The following SPON1 variants were observed in gnomAD, a reference collection of about 807,000 sequenced individuals.
SPON1 encodes spondin-1.
Under a neutral mutation model 111.7 loss-of-function variants are expected in SPON1, and 52 were observed. The ratio of observed to expected loss-of-function variants is 0.47; its 90% CI spans 0.37 to 0.59. The LOEUF is 0.59. Among genes scored for constraint, SPON1 ranks in the 20% least tolerant of loss-of-function variants. The pLI, the probability that SPON1 is intolerant of heterozygous loss-of-function variation, is 0.00. For synonymous variants in SPON1, 410 were observed against 395.8 expected (o/e 1.04, Z -0.43); for missense variants, 957 against 1,068.5 (o/e 0.90, Z 1.46).
intron 6 of SPON1, among the ~76,000 whole-genome samples, chr11:14,182,244 C>T (rs1848242043): frequency 6.6e-6 from 1 of 152,188 alleles, no homozygotes; most frequent in African/African-American, 2.4e-5. Flanking sequence ...CAAGTCCACT[C>T]ATCTTTTAAA....
At chr11:14,156,710 T>G (rs572968831) in intron 6 of SPON1, among the ~76,000 whole-genome samples, 92 of 152,246 alleles carry the variant, frequency 6.0e-4, no homozygotes, top group African/African-American at 2.0e-3. Context: ...GCTTTCTACA[T>G]ATGGCTAGCC....
intron 6 of SPON1, among the ~76,000 whole-genome samples, chr11:14,157,619 G>T (rs560627436): frequency 2.6e-5 from 4 of 151,958 alleles, no homozygotes; most frequent in Non-Finnish European, 4.4e-5. Flanking sequence ...TCAAACATTG[G>T]TTCTATCCCA....
At chr11:13,989,099 T>C (rs1554910793) in intron 2 of SPON1, among the ~76,000 whole-genome samples, 1 of 152,158 alleles carries the variant, frequency 6.6e-6, no homozygotes, top group Non-Finnish European at 1.5e-5. Context: ...TTTTCTATTG[T>C]TGGGAATAAT....
intron 2 of SPON1, among the ~76,000 whole-genome samples, chr11:13,985,375 A>G (rs1554910189): frequency 1.3e-5 from 2 of 152,236 alleles, no homozygotes; most frequent in Non-Finnish European, 2.9e-5. Context: ...TGAGTGGTTT[A>G]TATTTGTTAA....
rs1554921324 is a variant in SPON1 at position 14,075,389 on chromosome 11, G to T, written c.524G>T (p.Gly175Val). Residue 175 changes from glycine (G) to valine (V), a missense_variant, in exon 4 of 16, where the codon GGC becomes GTC. Physicochemically the swap from Gly to Val is moderately radical, Grantham distance 109. Transcript: ENST00000576479. ...QKRIIYFQDE[G>V]SLTKKLCEQD... ...CGCATTATTTATTTTCAAGATGAGG[G>T]CTCTCTGACCAAGAAACTTTGTGAA... 1.3e-6 allele frequency: 2 copies of T among 1,559,836 alleles called. No homozygotes were observed. The highest frequency in any genetic ancestry group is 1.7e-6 in the Non-Finnish European group (2 of 1,150,958).
At chr11:14,194,511 G>A (rs1331848120) in intron 6 of SPON1, among the ~76,000 whole-genome samples, 10 of 148,492 alleles carry the variant, frequency 6.7e-5, no homozygotes, top group Admixed American at 3.4e-4. Context: ...AAGAACTAAT[G>A]GGAATCTAGG....
chr11:14,031,983 C>T (rs1591356635), intron 2 of SPON1, among the ~76,000 whole-genome samples: 1 of 152,110 alleles, frequency 6.6e-6, no homozygotes, highest in Admixed American at 6.5e-5. Flanking sequence ...CTTAAGATGT[C>T]AAATTTAGCT....
chr11:13,963,313 G>C (rs1554907722), intron 1 of SPON1, among the ~76,000 whole-genome samples, 171 bp downstream of exon 1: 1 of 152,180 alleles, frequency 6.6e-6, no homozygotes, highest in African/African-American at 2.4e-5. Flanking sequence ...CGAGCTCGGC[G>C]CGGATCATAA....
chr11:14,054,675 C>A (rs1848731508), intron 3 of SPON1, among the ~76,000 whole-genome samples: 1 of 151,704 alleles, frequency 6.6e-6, no homozygotes, highest in Non-Finnish European at 1.5e-5. Flanking sequence ...AGAAGAAAAT[C>A]AAAAATCAAG....
At chr11:14,249,836 G>A (rs1260283086) in intron 7 of SPON1, among the ~76,000 whole-genome samples, 1 of 152,180 alleles carries the variant, frequency 6.6e-6, no homozygotes, top group Non-Finnish European at 1.5e-5. Context: ...TAAAACCTTG[G>A]GGTAGGATGA....
intron 6 of SPON1, among the ~76,000 whole-genome samples, chr11:14,210,293 T>C (rs1290216798): frequency 6.6e-6 from 1 of 152,178 alleles, no homozygotes; most frequent in Non-Finnish European, 1.5e-5. Context: ...GTTTTGGCTT[T>C]TGTTGCCATT....
At chr11:14,234,374 C>A (rs1482876401) in intron 6 of SPON1, among the ~76,000 whole-genome samples, 1 of 152,086 alleles carries the variant, frequency 6.6e-6, no homozygotes, top group East Asian at 1.9e-4. Flanking sequence ...GGAGGCGGAC[C>A]ACGGAAGAGC....
At chr11:14,160,590 T>TATATTTAC (rs1554930913) in intron 6 of SPON1, among the ~76,000 whole-genome samples, 2 of 17,288 alleles carry the variant, frequency 1.2e-4, no homozygotes, top group African/African-American at 1.9e-4. Context: ...TATTTACATA[T>TATATTTAC]ATATATTTAT....
intron 6 of SPON1, among the ~76,000 whole-genome samples, chr11:14,162,079 A>C (rs1223931642): frequency 6.7e-6 from 1 of 150,146 alleles, no homozygotes; most frequent in Non-Finnish European, 1.5e-5. Context: ...AATCACTTGA[A>C]CCCGGGAGGC....
intron 6 of SPON1, among the ~76,000 whole-genome samples, chr11:14,202,679 A>G (rs1044226988): frequency 2.0e-5 from 3 of 152,216 alleles, no homozygotes; most frequent in African/African-American, 7.2e-5. Context: ...CAATCATGCC[A>G]GACCCGGTGT....
rs184781526 is a variant in SPON1 at position 14,262,842 on chromosome 11, T to A, written c.2127T>A (p.Thr709=). Residue 709 remains threonine, a synonymous_variant, in exon 15 of 16, where the codon ACT becomes ACA. Transcript: ENST00000576479. ...PQFGGAPCPE[T]VQRKKCRIRK... Reference sequence around the variant, plus strand: ...TTGGAGGTGCACCCTGCCCAGAGACTGTGCAGCGAAAAAAGTGCCGCATCC... The same window carrying A: ...TTGGAGGTGCACCCTGCCCAGAGACAGTGCAGCGAAAAAAGTGCCGCATCC... The A allele has an allele frequency of 3.7e-6, 6 of 1,613,856 alleles. No individual in the cohort carries two copies. In the Admixed American group the frequency reaches 6.7e-5, roughly 18 times the overall value.
At chr11:13,985,030 G>C (rs1028245851) in intron 2 of SPON1, among the ~76,000 whole-genome samples, 1 of 152,098 alleles carries the variant, frequency 6.6e-6, no homozygotes. Flanking sequence ...CAACACCTGG[G>C]AACTTGTTAG....
intron 5 of SPON1, among the ~76,000 whole-genome samples, chr11:14,134,321 A>G (rs782574265): frequency 6.6e-6 from 1 of 152,218 alleles, no homozygotes; most frequent in Non-Finnish European, 1.5e-5. Flanking sequence ...CATCACATGT[A>G]AAAAACAAAT....
intron 2 of SPON1, among the ~76,000 whole-genome samples, chr11:13,988,891 A>T (rs1564880232): frequency 6.6e-6 from 1 of 152,182 alleles, no homozygotes; most frequent in Non-Finnish European, 1.5e-5. Context: ...CATCCCAGGG[A>T]TGAAGCTGAC....
Sources: gnomAD v4.1 joint callset for allele counts (sites outside exome capture counted in the v4.1 genomes callset) on GRCh38, gnomAD v4.1.1 for gene constraint, MANE v1.5 for transcripts, NCBI Gene and HGNC (gene_info 2026-07-23, HGNC 2026-07-21) for gene names.